Variants in RIT2 observed in about 807,000 individuals in gnomAD.
RIT2 encodes GTP-binding protein Rit2.
A neutral mutation model predicts 23.7 loss-of-function variants in RIT2; 24 were observed. The ratio of observed to expected loss-of-function variants is 1.01; its 90% CI spans 0.73 to 1.43. The LOEUF (loss-of-function observed/expected upper bound fraction) is 1.43, where lower values mean the gene tolerates loss of function less well. Among genes scored for constraint, RIT2 ranks in the 40% most tolerant of loss-of-function variants. The pLI, the probability that RIT2 is intolerant of heterozygous loss-of-function variation, is 0.00. For synonymous variants in RIT2, 107 were observed against 91.1 expected (o/e 1.17, Z -0.99); for missense variants, 236 against 266.9 (o/e 0.88, Z 0.81).
chr18:43,082,164 T>A (rs1176348789), intron 1 of RIT2, among the ~76,000 whole-genome samples: 1 of 152,202 alleles, frequency 6.6e-6, no homozygotes, highest in Admixed American at 6.6e-5. Context: ...TCTTTGAGAT[T>A]TTCTTGTTTA....
At chr18:42,887,311 T>C (rs1908047715) in intron 4 of RIT2, among the ~76,000 whole-genome samples, 1 of 152,210 alleles carries the variant, frequency 6.6e-6, no homozygotes, top group Non-Finnish European at 1.5e-5. Context: ...CAGTACTTTC[T>C]ATTTCAAAAA....
chr18:43,065,376 C>T (rs921665724), intron 1 of RIT2, among the ~76,000 whole-genome samples: 1 of 151,872 alleles, frequency 6.6e-6, no homozygotes, highest in Non-Finnish European at 1.5e-5. Context: ...GACTACAGGC[C>T]TGAACCACCA....
At chr18:43,044,789 A>G (rs1483228605) in intron 1 of RIT2, among the ~76,000 whole-genome samples, 1 of 152,118 alleles carries the variant, frequency 6.6e-6, no homozygotes, top group African/African-American at 2.4e-5. Context: ...ACCTTTTGCA[A>G]TTCATCATTT....
intron 1 of RIT2, among the ~76,000 whole-genome samples, chr18:43,112,546 T>C (rs1420683147): frequency 6.6e-6 from 1 of 152,188 alleles, no homozygotes; most frequent in Non-Finnish European, 1.5e-5. Context: ...AATTCCTATT[T>C]CAGTAAAGTT....
At chr18:42,971,144 T>C (rs995521505) in intron 3 of RIT2, among the ~76,000 whole-genome samples, 1 of 152,096 alleles carries the variant, frequency 6.6e-6, no homozygotes, top group African/African-American at 2.4e-5. Context: ...TCAACATACA[T>C]TGAAAATTAA....
intron 3 of RIT2, among the ~76,000 whole-genome samples, chr18:42,954,690 G>A (rs529471550): frequency 6.6e-6 from 1 of 152,096 alleles, no homozygotes; most frequent in South Asian, 2.1e-4. Flanking sequence ...TTTAAGGTCT[G>A]AATGAGATTT....
chr18:42,885,186 CT>C (rs1974002827), intron 4 of RIT2, among the ~76,000 whole-genome samples: 1 of 152,176 alleles, frequency 6.6e-6, no homozygotes, highest in Non-Finnish European at 1.5e-5. Context: ...AACTAAAGAG[CT>C]TTATGTGCTG....
intron 1 of RIT2, among the ~76,000 whole-genome samples, chr18:43,079,225 T>G (rs1913097594): frequency 6.6e-6 from 1 of 152,208 alleles, no homozygotes. Context: ...CTTGTAAAAC[T>G]TATTCATGAT....
At chr18:42,777,195 A>G (rs1913692599) in intron 4 of RIT2, among the ~76,000 whole-genome samples, 1 of 152,078 alleles carries the variant, frequency 6.6e-6, no homozygotes, top group South Asian at 2.1e-4. Flanking sequence ...AATTCTGCTC[A>G]GAAATCTTTC....
At chr18:42,795,628 G>A (rs930089350) in intron 4 of RIT2, among the ~76,000 whole-genome samples, 2 of 152,254 alleles carry the variant, frequency 1.3e-5, no homozygotes, top group African/African-American at 4.8e-5. Context: ...CGCGGCACGG[G>A]ACTGGCAGGC....
At chr18:42,825,264 A>G (rs1906264276) in intron 4 of RIT2, among the ~76,000 whole-genome samples, 1 of 151,948 alleles carries the variant, frequency 6.6e-6, no homozygotes, top group Admixed American at 6.6e-5. Flanking sequence ...AGCCAAATTC[A>G]TTCCATAATG....
intron 3 of RIT2, among the ~76,000 whole-genome samples, chr18:42,949,775 A>G (rs1279820783): frequency 2.0e-5 from 3 of 152,132 alleles, no homozygotes; most frequent in African/African-American, 7.2e-5. Context: ...TGATGAAAAC[A>G]TCTAAAGAAT....
intron 4 of RIT2, among the ~76,000 whole-genome samples, chr18:42,832,806 A>C (rs1036797692): frequency 6.6e-6 from 1 of 152,098 alleles, no homozygotes; most frequent in African/African-American, 2.4e-5. Context: ...TAATCCCAGC[A>C]CTTTGGGAGG....
chr18:43,074,246 T>C (rs1245047397), intron 1 of RIT2, among the ~76,000 whole-genome samples: 1 of 152,186 alleles, frequency 6.6e-6, no homozygotes, highest in Non-Finnish European at 1.5e-5. Flanking sequence ...CACCCAGCAA[T>C]GAACACACTT....
At chr18:43,109,602 A>G (rs993712531) in intron 1 of RIT2, among the ~76,000 whole-genome samples, 1 of 152,126 alleles carries the variant, frequency 6.6e-6, no homozygotes, top group Non-Finnish European at 1.5e-5. Context: ...ATTTCTTCTC[A>G]ACTTTCACAT....
At chr18:42,973,822 G>A (rs1357304200) in intron 3 of RIT2, among the ~76,000 whole-genome samples, 1 of 151,282 alleles carries the variant, frequency 6.6e-6, no homozygotes, top group Non-Finnish European at 1.5e-5. Context: ...AAAAAATAAA[G>A]TATTTTTAAA....
chr18:42,780,183 TTA>T (rs1457013527), intron 4 of RIT2, among the ~76,000 whole-genome samples: 1 of 149,320 alleles, frequency 6.7e-6, no homozygotes, highest in East Asian at 2.0e-4. Flanking sequence ...GAGGCAGAAG[TTA>T]TAGTCAAAGA....
intron 4 of RIT2, among the ~76,000 whole-genome samples, chr18:42,885,160 G>A (rs1907988284): frequency 6.6e-6 from 1 of 152,174 alleles, no homozygotes; most frequent in Admixed American, 6.5e-5. Context: ...CATTGAAATG[G>A]AAATAGAAAA....
At chr18:42,879,633 C>T (rs1190221200) in intron 4 of RIT2, among the ~76,000 whole-genome samples, 1 of 151,080 alleles carries the variant, frequency 6.6e-6, no homozygotes, top group Non-Finnish European at 1.5e-5. Context: ...GAGTTTTTTT[C>T]TTAAGTTTCC....
Sources: allele counts gnomAD v4.1 joint callset (sites outside exome capture counted in the v4.1 genomes callset), GRCh38; gene constraint gnomAD v4.1.1; transcripts MANE v1.5; gene names NCBI Gene and HGNC (gene_info 2026-07-23, HGNC 2026-07-21).